The following KIAA1755 variants were observed in gnomAD, a reference collection of about 807,000 sequenced individuals.
KIAA1755 encodes the protein uncharacterized protein KIAA1755.
Under a neutral mutation model 91.7 loss-of-function variants are expected in KIAA1755, and 68 were observed. That is an observed-to-expected ratio of 0.74 (90% CI 0.61 to 0.91). The LOEUF is 0.91. KIAA1755 is among the 40% of genes least tolerant of loss of function. The probability of loss-of-function intolerance (pLI) is 0.00; values close to 1 mark genes in which losing one functional copy is unlikely to be tolerated. For synonymous variants in KIAA1755, 610 were observed against 604.6 expected (o/e 1.01, Z -0.13); for missense variants, 1,535 against 1,494.4 (o/e 1.03, Z -0.45).
chr20:38,260,145 A>G, intron 1 of KIAA1755: 1 of 1,266,686 alleles, frequency 7.9e-7, no homozygotes, highest in Non-Finnish European at 1.0e-6. Flanking sequence ...GACAATGTGC[A>G]TATCACAGTC....
chr20:38,250,822 G>C (rs946932185), intron 1 of KIAA1755, among the ~76,000 whole-genome samples: 3 of 152,038 alleles, frequency 2.0e-5, no homozygotes, highest in Non-Finnish European at 4.4e-5. Flanking sequence ...GTTCTACACA[G>C]GTGGGGATAT....
chr20:38,252,496 C>T (rs571206870), intron 1 of KIAA1755, among the ~76,000 whole-genome samples: 2 of 152,264 alleles, frequency 1.3e-5, no homozygotes, highest in South Asian at 2.1e-4. Flanking sequence ...TGCCCAAGAC[C>T]GCACAGAAGA....
At chr20:38,257,734 C>T (rs980017623) in intron 1 of KIAA1755, among the ~76,000 whole-genome samples, 1 of 152,104 alleles carries the variant, frequency 6.6e-6, no homozygotes, top group East Asian at 1.9e-4. Context: ...AGGACAATAC[C>T]TCAGTCTGGA....
chr20:38,260,139 A>C (rs1229958161), intron 1 of KIAA1755: 3 of 1,220,928 alleles, frequency 2.5e-6, no homozygotes, highest in Non-Finnish European at 3.2e-6. Context: ...TGCCGGGACA[A>C]TGTGCATATC....
chr20:38,234,116 A>C (rs1427577243), intron 4 of KIAA1755, among the ~76,000 whole-genome samples: 1 of 152,198 alleles, frequency 6.6e-6, no homozygotes, highest in African/African-American at 2.4e-5. Context: ...CAGACCTATG[A>C]GAAAATGAAT....
intron 5 of KIAA1755, among the ~76,000 whole-genome samples, chr20:38,230,568 C>T (rs1404398512): frequency 6.6e-6 from 1 of 152,174 alleles, no homozygotes; most frequent in Non-Finnish European, 1.5e-5. Flanking sequence ...TTTTAACAGC[C>T]CACCAGGTGA....
At position 38,240,784 on chromosome 20, in the gene KIAA1755, T is replaced by A. The variant is rs148157802; in HGVS notation, c.1347A>T (p.Arg449Ser). 63 of 1,606,702 alleles carry A rather than the reference T, an allele frequency of 3.9e-5. No homozygotes were observed. In the African/African-American group the frequency reaches 6.6e-4, roughly 17 times the overall value. ...TAGGGCAGGGCATGGGCTTGGGAAG[T>A]CTCCCATTTCTCTCTTTGGTCTTCA... ...IEVKTKERNG[R>S]LPKPMPCPSR... is the part of the protein sequence containing the mutation. Residue 449 changes from arginine (R) to serine (S), a missense_variant, in exon 3 of 14, where the codon AGA becomes AGT. Coordinates refer to ENST00000279024, the MANE Select transcript of KIAA1755 (RefSeq NM_001029864.2).
At chr20:38,252,963 C>G (rs1207241961) in intron 1 of KIAA1755, among the ~76,000 whole-genome samples, 1 of 152,166 alleles carries the variant, frequency 6.6e-6, no homozygotes, top group Non-Finnish European at 1.5e-5. Context: ...GGCAGCCCAG[C>G]CTGGGACCAC....
At position 38,241,300 on chromosome 20, in the gene KIAA1755, A is replaced by G; in HGVS notation, c.831T>C (p.Ala277=). The G allele has an allele frequency of 6.2e-7, 1 of 1,614,056 alleles. No homozygotes were observed. The highest frequency in any genetic ancestry group is 2.2e-5 in the East Asian group (1 of 44,872). Residue 277 remains alanine (A), a synonymous_variant, in exon 3 of 14, where the codon GCT becomes GCC. Transcript: ENST00000279024. ...VSQDFEGDYV[A]LLGFSQESRG... ...TGCTCTCTTGGGAAAAGCCTAGGAG[A>G]GCCACATAGTCTCCCTCGAAGTCCT...
chr20:38,217,555 C>A (rs1322652971), intron 12 of KIAA1755, 81 bp from the exon 13 acceptor site: 5 of 1,005,606 alleles, frequency 5.0e-6, no homozygotes, highest in Non-Finnish European at 7.4e-6. Context: ...CCTCCAGCTG[C>A]CTTGCTGGCG....
intron 1 of KIAA1755, chr20:38,260,214 T>G: frequency 6.8e-7 from 1 of 1,466,534 alleles, no homozygotes. Context: ...AGGGCTGAGA[T>G]TCAGGCTCAG....
At chr20:38,256,041 C>G (rs1052528059) in intron 1 of KIAA1755, among the ~76,000 whole-genome samples, 7 of 152,180 alleles carry the variant, frequency 4.6e-5, no homozygotes, top group Non-Finnish European at 1.0e-4. Context: ...ATTCTATGGG[C>G]TGGGTATTTT....
At chr20:38,218,204 C>T (rs781067931) in intron 12 of KIAA1755, 40 bp downstream of exon 12, 5 of 1,613,166 alleles carry the variant, frequency 3.1e-6, no homozygotes, top group Admixed American at 3.3e-5. Context: ...ACGCCCTCTC[C>T]ATCTGCTCCA....
chr20:38,212,611 A>C lies in KIAA1755; in HGVS notation c.*431T>G. 1 of 160,406 alleles carries C rather than the reference A, an allele frequency of 6.2e-6. No individual in the cohort carries two copies. The highest frequency in any genetic ancestry group is 1.4e-5 in the Non-Finnish European group (1 of 73,534). The allele number at this position is 160,406 out of a possible 1,614,324, so 9.9% of individuals were successfully genotyped here. On this transcript the variant is annotated 3_prime_UTR_variant, in exon 14 of 14. Transcript: ENST00000279024. Reference sequence around the variant, plus strand: ...ATTTTCCTGGAATCCAAGACAAGGAAGCACTCCCGAATCTCCCCGAGGATT... The same window carrying C: ...ATTTTCCTGGAATCCAAGACAAGGACGCACTCCCGAATCTCCCCGAGGATT...
chr20:38,239,339 A>G (rs1205431), intron 4 of KIAA1755, among the ~76,000 whole-genome samples, 189 bp downstream of exon 4: 44,065 of 152,210 alleles, frequency 0.29, 6,585 homozygotes, highest in Middle Eastern at 0.48. Context: ...GTGGATGGAT[A>G]CCAACAAATT....
chr20:38,214,007 A>G (rs2075501367), intron 13 of KIAA1755, among the ~76,000 whole-genome samples: 1 of 149,806 alleles, frequency 6.7e-6, no homozygotes, highest in African/African-American at 2.5e-5. Flanking sequence ...GCTAGAGTGC[A>G]GTGGTGTGAT....
chr20:38,216,355 C>T (rs1237836166), intron 13 of KIAA1755, among the ~76,000 whole-genome samples: 1 of 152,194 alleles, frequency 6.6e-6, no homozygotes, highest in Non-Finnish European at 1.5e-5. Flanking sequence ...CTCCCAGGGC[C>T]CCAGGCGTGA....
chr20:38,219,809 T>A, intron 10 of KIAA1755, 41 bp from the exon 11 acceptor site: 1 of 1,610,856 alleles, frequency 6.2e-7, no homozygotes, highest in Non-Finnish European at 8.5e-7. Context: ...TCTGTTGCCC[T>A]CTTCACCCTG....
In KIAA1755 at chr20:38,241,485, C is replaced by T. The variant is rs2076063923; in HGVS notation, c.646G>A (p.Glu216Lys). 1 of 1,614,142 alleles carries T rather than the reference C, an allele frequency of 6.2e-7. No homozygotes were observed. The highest frequency in any genetic ancestry group is 1.1e-5 in the South Asian group (1 of 91,094). Residue 216 changes from glutamate (E) to lysine (K), a missense_variant, in exon 3 of 14, where the codon GAG (glutamate) becomes AAG (lysine). Glu to Lys is a moderately conservative substitution (Grantham distance 56). Transcript: ENST00000279024. ...TCTGGGGAGCTGGCCTGGTGCAACT[C>T]TTGAGGGCTGCTCAAATCCAGTGCC... ...LEALDLSSPQ[E>K]LHQASSPDNQ...
Sources: gnomAD v4.1 joint callset for allele counts (sites outside exome capture counted in the v4.1 genomes callset) on GRCh38, gnomAD v4.1.1 for gene constraint, MANE v1.5 for transcripts, NCBI Gene and HGNC (gene_info 2026-07-23, HGNC 2026-07-21) for gene names.